The following RPH3AL variants were observed in gnomAD, a reference collection of about 807,000 sequenced individuals.
The protein encoded by RPH3AL is rab effector Noc2.
RPH3AL carries 38 observed loss-of-function variants against 43.1 expected under a neutral mutation model. That is an observed-to-expected ratio of 0.88 (90% CI 0.68 to 1.15). The LOEUF (loss-of-function observed/expected upper bound fraction) is 1.15. Ranked by LOEUF, RPH3AL falls within the 50% of genes most tolerant of loss-of-function variation. The pLI, the probability that RPH3AL is intolerant of heterozygous loss-of-function variation, is 0.00. For missense variants in RPH3AL, 462 were observed against 423.2 expected, an observed-to-expected ratio of 1.09 and a Z score of -0.81; for synonymous variants, 189 against 176.3, an observed-to-expected ratio of 1.07 and a Z score of -0.57.
intron 2 of RPH3AL, among the ~76,000 whole-genome samples, chr17:329,967 C>CT (rs1380016094): frequency 6.6e-6 from 1 of 152,240 alleles, no homozygotes; most frequent in Non-Finnish European, 1.5e-5. Flanking sequence ...TGAACTTCTC[C>CT]TTTTCTGTAC....
intron 6 of RPH3AL, among the ~76,000 whole-genome samples, chr17:250,118 G>T (rs9797212): frequency 3.3e-5 from 4 of 120,306 alleles, no homozygotes; most frequent in Admixed American, 1.6e-4. Context: ...AAGCTCCATC[G>T]CTGCGGGACC....
chr17:343,709 C>T (rs1009007757), intron 1 of RPH3AL, among the ~76,000 whole-genome samples: 3 of 152,114 alleles, frequency 2.0e-5, no homozygotes, highest in South Asian at 2.1e-4. Flanking sequence ...GACATAGTTG[C>T]GGGTGCTATT....
rs2042605305 is a variant in RPH3AL, at chr17:274,353, G to A, written c.438+7415C>T. On this transcript the variant is annotated intron_variant, in intron 6 of 9. Transcript: ENST00000331302. The surrounding 1 kb of genome is among the most constrained non-coding windows in gnomAD (Gnocchi z 4.7). ...CTGCCCACCTGGGCCTCGCCTGCCT[G>A]GCTGGAGTAGGGGCAGCAGCTGAAG... Among the ~76,000 whole-genome samples, 1 of 152,232 alleles carries A rather than the reference G, an allele frequency of 6.6e-6. No individual in the cohort carries two copies. The highest frequency in any genetic ancestry group is 1.5e-5 in the Non-Finnish European group (1 of 68,044).
intron 8 of RPH3AL, 46 bp downstream of exon 8, chr17:219,577 G>C (rs62059560): frequency 0.29 from 268,076 of 910,866 alleles, 39,411 homozygotes; most frequent in Non-Finnish European, 0.31. Flanking sequence ...CCAGGCTGGA[G>C]TGCACCGTGC....
chr17:351,669 G>A (rs147861783), intron 1 of RPH3AL, among the ~76,000 whole-genome samples: 1,539 of 152,102 alleles, frequency 0.01, 27 homozygotes, highest in African/African-American at 0.035. Context: ...CGTGGCTCCC[G>A]TACGATTCTT....
intron 6 of RPH3AL, among the ~76,000 whole-genome samples, chr17:251,923 G>A (rs1322582297): frequency 2.6e-5 from 4 of 151,726 alleles, no homozygotes; most frequent in Admixed American, 6.6e-5. Flanking sequence ...GCTTTGAACC[G>A]CACGCCACAC....
chr17:304,841 G>C, intron 5 of RPH3AL, among the ~76,000 whole-genome samples: 1 of 148,944 alleles, frequency 6.7e-6, no homozygotes, highest in Non-Finnish European at 1.5e-5. Context: ...TTTAAAACCT[G>C]TTTCTGTACC....
At chr17:296,696 C>T (rs549323262) in intron 5 of RPH3AL, among the ~76,000 whole-genome samples, 8 of 152,332 alleles carry the variant, frequency 5.3e-5, no homozygotes, top group South Asian at 4.1e-4. Context: ...GGCCCAAAGA[C>T]GGGCTGTTCA....
At chr17:252,794 T>C (rs1178961102) in intron 6 of RPH3AL, among the ~76,000 whole-genome samples, 1 of 152,212 alleles carries the variant, frequency 6.6e-6, no homozygotes, top group African/African-American at 2.4e-5. Flanking sequence ...TTTTAGAATA[T>C]TTGCATTATA....
At chr17:320,463 C>G (rs1312649364) in intron 4 of RPH3AL, among the ~76,000 whole-genome samples, 1 of 151,118 alleles carries the variant, frequency 6.6e-6, no homozygotes, top group East Asian at 1.9e-4. Flanking sequence ...TAGTGAGACC[C>G]CATCTCTACA....
At chr17:315,977 G>A (rs369095796) in intron 5 of RPH3AL, among the ~76,000 whole-genome samples, 1 of 10,720 alleles carries the variant, frequency 9.3e-5, no homozygotes, top group Non-Finnish European at 2.5e-4. Flanking sequence ...CTCCACTGAC[G>A]TGTAGTCCCT....
chr17:314,516 T>C (rs531883345), intron 5 of RPH3AL, among the ~76,000 whole-genome samples: 16 of 149,912 alleles, frequency 1.1e-4, no homozygotes, highest in Admixed American at 9.9e-4. Context: ...TCCATTGACC[T>C]GTAGTCCCTG....
At chr17:247,905 C>T (rs146355567) in intron 6 of RPH3AL, among the ~76,000 whole-genome samples, 1 of 152,276 alleles carries the variant, frequency 6.6e-6, no homozygotes, top group East Asian at 1.9e-4. Context: ...GTGACTGGCA[C>T]TTCCTTCCCG....
rs1301073379 is a variant in RPH3AL, at chr17:314,881, G to C, written c.351+4539C>G. Among the ~76,000 whole-genome samples the C allele has an allele frequency of 1.0e-4, 15 of 148,946 alleles. No individual in the cohort carries two copies. The East Asian group carries it at 2.4e-3, about 24-fold the overall frequency. On this transcript the variant is annotated intron_variant, in intron 5 of 9. Coordinates refer to ENST00000331302, the MANE Select transcript of RPH3AL (RefSeq NM_006987.4). ...CCCTGTGCCCCACCTCCATTGACCTGTAGTCTCTGTGCTCCACCTCCATTG... is the reference window on the plus strand; with the variant it reads ...CCCTGTGCCCCACCTCCATTGACCTCTAGTCTCTGTGCTCCACCTCCATTG...
chr17:252,979 G>C (rs1555543151), intron 6 of RPH3AL, among the ~76,000 whole-genome samples: 1 of 152,230 alleles, frequency 6.6e-6, no homozygotes, highest in Admixed American at 6.5e-5. Context: ...CATAGAGTCA[G>C]GCCGCCCTCC....
intron 4 of RPH3AL, among the ~76,000 whole-genome samples, chr17:320,705 C>T (rs2044444859): frequency 6.6e-6 from 1 of 152,168 alleles, no homozygotes; most frequent in African/African-American, 2.4e-5. Context: ...GAAATCAATT[C>T]CTGCCCAGTG....
chr17:234,605 G>A (rs141696409), intron 7 of RPH3AL: 276 of 155,140 alleles, frequency 1.8e-3, no homozygotes, highest in East Asian at 3.7e-3. Context: ...GAGGACAGAC[G>A]GCACCCACCT....
intron 2 of RPH3AL, among the ~76,000 whole-genome samples, chr17:327,964 A>C (rs2044657247): frequency 6.6e-6 from 1 of 152,130 alleles, no homozygotes; most frequent in East Asian, 1.9e-4. Flanking sequence ...CACGTCACCC[A>C]GCAGGAGGGG....
At chr17:243,890 ACTTCCTCTATTAC>A (rs2041665277) in intron 7 of RPH3AL, among the ~76,000 whole-genome samples, 1 of 122,968 alleles carries the variant, frequency 8.1e-6, no homozygotes, top group African/African-American at 3.2e-5. Context: ...TACTGATTAC[ACTTCCTCTATTAC>A]CTTCCTCTAT....
Sources: gnomAD v4.1 joint callset for allele counts (sites outside exome capture counted in the v4.1 genomes callset) on GRCh38, gnomAD v4.1.1 for gene constraint, Gnocchi (gnomAD v3.1) non-coding constraint, MANE v1.5 for transcripts, NCBI Gene and HGNC (gene_info 2026-07-23, HGNC 2026-07-21) for gene names.